The following SLC29A3 variants were observed in gnomAD, a reference collection of about 807,000 sequenced individuals.
SLC29A3 encodes equilibrative nucleoside transporter 3.
In SLC29A3, 18 loss-of-function variants were observed where a neutral mutation model predicts 25.4. The ratio of observed to expected loss-of-function variants is 0.71; its 90% CI spans 0.49 to 1.05. SLC29A3 has a LOEUF of 1.05. SLC29A3 is among the 50% of genes least tolerant of loss of function. SLC29A3 has a pLI of 0.00. For missense variants in SLC29A3, 586 were observed against 609.0 expected, an observed-to-expected ratio of 0.96 and a Z score of 0.40; for synonymous variants, 258 against 267.1, an observed-to-expected ratio of 0.97 and a Z score of 0.33.
chr10:71,381,105 T>C (rs1402271236), exon 5 of SLC29A3: 4 of 152,240 alleles, frequency 2.6e-5, no homozygotes. Flanking sequence ...AGGGCTCTTG[T>C]ATAAAACATA....
chr10:71,371,741 AGT>A (rs1266112670), intron 3 of SLC29A3, among the ~76,000 whole-genome samples: 1 of 152,220 alleles, frequency 6.6e-6, no homozygotes, highest in African/African-American at 2.4e-5. Context: ...AGGGATTGAC[AGT>A]GTGTCTATCC....
intron 5 of SLC29A3, among the ~76,000 whole-genome samples, chr10:71,357,689 T>C (rs1462114801): frequency 6.6e-6 from 1 of 152,232 alleles, no homozygotes; most frequent in Non-Finnish European, 1.5e-5. Flanking sequence ...AGGACCTGTT[T>C]TCTTGTCTCG....
At chr10:71,367,245 C>A (rs963432860), downstream of SLC29A3, among the ~76,000 whole-genome samples, 6 of 152,122 alleles carry the variant, frequency 3.9e-5, no homozygotes, top group Non-Finnish European at 7.4e-5. Flanking sequence ...GCACCCAGTT[C>A]ACCAGCCCCT....
intron 5 of SLC29A3, among the ~76,000 whole-genome samples, chr10:71,360,446 G>A (rs954916144): frequency 2.6e-5 from 4 of 152,078 alleles, no homozygotes; most frequent in Non-Finnish European, 4.4e-5. Context: ...GTCTTCTACC[G>A]AAGGAGACAC....
chr10:71,319,667 A>C (rs1385932314), intron 1 of SLC29A3: 5 of 270,722 alleles, frequency 1.8e-5, no homozygotes, highest in Non-Finnish European at 2.8e-5. Flanking sequence ...GGCTGTTTAC[A>C]CCGCAAAGCC....
chr10:71,344,177 A>G (rs1846495303), intron 2 of SLC29A3, 32 bp from the exon 3 acceptor site: 1 of 1,569,570 alleles, frequency 6.4e-7, no homozygotes, highest in East Asian at 2.2e-5. Flanking sequence ...TCCCTGAGTG[A>G]CCGCAGCACC....
At chr10:71,365,508 A>G (rs1267387188), downstream of SLC29A3, 1 of 152,342 alleles carries the variant, frequency 6.6e-6, no homozygotes, top group Non-Finnish European at 1.5e-5. Flanking sequence ...CATAGAGATG[A>G]TAGACTAAGT....
intron 2 of SLC29A3, among the ~76,000 whole-genome samples, chr10:71,333,913 A>G (rs1003429181): frequency 6.6e-6 from 1 of 152,160 alleles, no homozygotes; most frequent in African/African-American, 2.4e-5. Flanking sequence ...TTACAGCCTG[A>G]GAGTACATGA....
At chr10:71,319,712 T>G in intron 1 of SLC29A3, 1 of 192,968 alleles carries the variant, frequency 5.2e-6, no homozygotes, top group Non-Finnish European at 1.0e-5. Context: ...TGCCCTGCGC[T>G]TCCCAGTGCC....
At chr10:71,377,251 C>T (rs1426413308) in intron 4 of SLC29A3, among the ~76,000 whole-genome samples, 2 of 152,216 alleles carry the variant, frequency 1.3e-5, no homozygotes, top group African/African-American at 2.4e-5. Context: ...TCTAAGCTGC[C>T]GCTCCAGGTA....
At position 71,347,668 on chromosome 10, in the gene SLC29A3, G is replaced by C. The variant is rs547236792; in HGVS notation, c.383+3377G>C. Among the ~76,000 whole-genome samples, 4 of 152,302 alleles carry C rather than the reference G, an allele frequency of 2.6e-5. No homozygotes were observed. In the Middle Eastern group the frequency reaches 0.01, roughly 389 times the overall value. On this transcript the variant is annotated intron_variant, in intron 3 of 5. Transcript: ENST00000373189. ...ACGGATGGAGGCTCTGGGCAAGAGTGGTTTATGCAGCAGATAATTAGCAGG... is the reference window on the plus strand; with the variant it reads ...ACGGATGGAGGCTCTGGGCAAGAGTCGTTTATGCAGCAGATAATTAGCAGG...
At chr10:71,332,752 G>A (rs1364965803) in intron 2 of SLC29A3, among the ~76,000 whole-genome samples, 2 of 152,164 alleles carry the variant, frequency 1.3e-5, no homozygotes, top group African/African-American at 4.8e-5. Context: ...TCTAACTGCG[G>A]GCCCAGCCAG....
At chr10:71,351,468 A>T in intron 3 of SLC29A3, 94 bp from the exon 4 acceptor site, 1 of 1,092,124 alleles carries the variant, frequency 9.2e-7, no homozygotes, top group Non-Finnish European at 1.4e-6. Context: ...CCTAACTGCT[A>T]AGCTCGCCTG....
chr10:71,354,689 G>A (rs955162309), intron 4 of SLC29A3, among the ~76,000 whole-genome samples: 3 of 152,186 alleles, frequency 2.0e-5, no homozygotes, highest in African/African-American at 7.2e-5. Context: ...ACCTCTTCAG[G>A]AATGGACATT....
At chr10:71,329,164 A>G (rs1846057852) in intron 2 of SLC29A3, among the ~76,000 whole-genome samples, 1 of 152,184 alleles carries the variant, frequency 6.6e-6, no homozygotes, top group South Asian at 2.1e-4. Flanking sequence ...AGGCTCACAG[A>G]TTTTAGGCCA....
intron 2 of SLC29A3, among the ~76,000 whole-genome samples, chr10:71,328,590 A>G (rs1846032185): frequency 6.6e-6 from 1 of 152,182 alleles, no homozygotes; most frequent in Non-Finnish European, 1.5e-5. Flanking sequence ...CCCCTGGTAC[A>G]CCTGGCATGA....
downstream of SLC29A3, chr10:71,366,180 C>CA (rs1847169497): frequency 1.3e-5 from 2 of 152,080 alleles, no homozygotes; most frequent in South Asian, 4.2e-4. Flanking sequence ...TTTATAGAGG[C>CA]AGAGTCTCAC....
downstream of SLC29A3, among the ~76,000 whole-genome samples, chr10:71,366,951 G>A (rs959831736): frequency 2.6e-5 from 4 of 152,148 alleles, no homozygotes; most frequent in Non-Finnish European, 5.9e-5. Flanking sequence ...TCACCCACTC[G>A]CTGAGGCTGC....
intron 3 of SLC29A3, among the ~76,000 whole-genome samples, chr10:71,349,876 C>T (rs1846705218): frequency 6.6e-6 from 1 of 152,236 alleles, no homozygotes; most frequent in Admixed American, 6.5e-5. Context: ...TTCCACGATG[C>T]CCAGGGTGGG....
Sources: gnomAD v4.1 joint callset for allele counts (sites outside exome capture counted in the v4.1 genomes callset) on GRCh38, gnomAD v4.1.1 for gene constraint, MANE v1.5 for transcripts, NCBI Gene and HGNC (gene_info 2026-07-23, HGNC 2026-07-21) for gene names.